Variants in SYT9 observed in about 807,000 individuals in gnomAD.
SYT9 encodes the protein synaptotagmin 9.
A neutral mutation model predicts 48.4 loss-of-function variants in SYT9; 22 were observed. The observed-to-expected ratio is 0.45, with a 90% CI of 0.32 to 0.65. The LOEUF is 0.65. SYT9 is among the 30% of genes least tolerant of loss of function. SYT9 has a pLI of 0.03. For synonymous variants in SYT9, 265 were observed against 245.0 expected, an observed-to-expected ratio of 1.08 and a Z score of -0.76; for missense variants, 577 against 622.0, an observed-to-expected ratio of 0.93 and a Z score of 0.77.
intron 1 of SYT9, among the ~76,000 whole-genome samples, chr11:7,259,627 T>A (rs925101089): frequency 6.6e-6 from 1 of 152,180 alleles, no homozygotes; most frequent in South Asian, 2.1e-4. Context: ...TTTTTTTTGT[T>A]GGTAAGACTG....
chr11:7,269,810 TTTAAG>T (rs1257003163), intron 1 of SYT9, among the ~76,000 whole-genome samples: 1 of 152,172 alleles, frequency 6.6e-6, no homozygotes, highest in Non-Finnish European at 1.5e-5. Flanking sequence ...TCAAATGCAA[TTTAAG>T]TTGTTATTTT....
intron 1 of SYT9, among the ~76,000 whole-genome samples, chr11:7,241,234 A>G (rs915009793): frequency 5.3e-4 from 77 of 146,160 alleles, no homozygotes; most frequent in African/African-American, 1.8e-3. Flanking sequence ...ACACACACAC[A>G]CACGCACACA....
At chr11:7,344,495 T>C (rs537111506) in intron 3 of SYT9, among the ~76,000 whole-genome samples, 1 of 152,324 alleles carries the variant, frequency 6.6e-6, no homozygotes. Flanking sequence ...TACAGTATTT[T>C]TTTTTACTGT....
chr11:7,461,742 A>G (rs1388518170), intron 6 of SYT9, among the ~76,000 whole-genome samples: 1 of 152,236 alleles, frequency 6.6e-6, no homozygotes, highest in Admixed American at 6.5e-5. Context: ...TGATGAATAC[A>G]TGTAATGAAT....
At chr11:7,433,062 G>C (rs769972736) in intron 6 of SYT9, among the ~76,000 whole-genome samples, 3 of 152,110 alleles carry the variant, frequency 2.0e-5, no homozygotes, top group Non-Finnish European at 4.4e-5. Context: ...CTCATGGCTT[G>C]GTGCTACCCT....
intron 3 of SYT9, among the ~76,000 whole-genome samples, chr11:7,387,793 C>T (rs1483007347): frequency 2.0e-5 from 3 of 152,102 alleles, no homozygotes; most frequent in Non-Finnish European, 4.4e-5. Flanking sequence ...TAAGTTATCT[C>T]TTTATTCTCT....
At chr11:7,269,439 T>C (rs1848255440) in intron 1 of SYT9, among the ~76,000 whole-genome samples, 1 of 152,194 alleles carries the variant, frequency 6.6e-6, no homozygotes, top group Non-Finnish European at 1.5e-5. Flanking sequence ...GAGGTAAATT[T>C]TTAAAATTCT....
Position 7,253,536 on chromosome 11 carries a change from G to T in SYT9, c.145+1205G>T, listed in dbSNP as rs527404204. Among the ~76,000 whole-genome samples the T allele has an allele frequency of 4.6e-5, 7 of 152,020 alleles. No individual in the cohort carries two copies. The South Asian group carries it at 1.5e-3, about 32-fold the overall frequency. On this transcript the variant is annotated intron_variant, in intron 1 of 6. Coordinates refer to ENST00000318881, the MANE Select transcript of SYT9 (RefSeq NM_175733.4). ...ATGGTCGTGTGGGGTGAAGTCATCT[G>T]CTAAAATTTTAAAGTTTATATCAGA...
At chr11:7,385,116 A>G (rs1040417734) in intron 3 of SYT9, among the ~76,000 whole-genome samples, 2 of 151,920 alleles carry the variant, frequency 1.3e-5, no homozygotes, top group African/African-American at 2.4e-5. Flanking sequence ...ATACTTCTGT[A>G]TATGTGTGTA....
intron 3 of SYT9, among the ~76,000 whole-genome samples, chr11:7,370,955 T>G (rs977614338): frequency 1.3e-5 from 2 of 152,192 alleles, no homozygotes; most frequent in Non-Finnish European, 2.9e-5. Flanking sequence ...CTAAGTATGT[T>G]TCCAGTTTCT....
chr11:7,301,813 A>G (rs575543737), intron 1 of SYT9, among the ~76,000 whole-genome samples: 1 of 152,200 alleles, frequency 6.6e-6, no homozygotes, highest in Non-Finnish European at 1.5e-5. Context: ...TGTCCTTTAA[A>G]ATAAGGATTT....
rs114493858 is a variant in SYT9, at chr11:7,446,985, T to C, written c.1468-19807T>C. On this transcript the variant is annotated intron_variant, in intron 6 of 6. Transcript: ENST00000318881. ...CTGTCCACCTCAGGGCCCAGAGGCATACATCCTGGTGCCCTTTTGCTTCAC... is the reference window on the plus strand; with the variant it reads ...CTGTCCACCTCAGGGCCCAGAGGCACACATCCTGGTGCCCTTTTGCTTCAC... 8.4e-3 allele frequency among the ~76,000 whole-genome samples: 1,274 copies of C among 152,360 alleles called. 16 individuals carry two copies. The highest frequency in any genetic ancestry group is 0.03 in the African/African-American group (1,227 of 41,578).
intron 3 of SYT9, among the ~76,000 whole-genome samples, chr11:7,361,663 C>A (rs1473361690): frequency 2.0e-5 from 3 of 152,134 alleles, no homozygotes; most frequent in Non-Finnish European, 4.4e-5. Context: ...GTTGATTGCT[C>A]TTTCTGGCAA....
At chr11:7,353,409 C>T (rs1849956685) in intron 3 of SYT9, among the ~76,000 whole-genome samples, 1 of 152,210 alleles carries the variant, frequency 6.6e-6, no homozygotes, top group Non-Finnish European at 1.5e-5. Flanking sequence ...ACCCAGTGGG[C>T]AGCAGCTTCC....
chr11:7,405,092 TAAAA>T (rs10706521), intron 3 of SYT9, among the ~76,000 whole-genome samples: 4 of 130,298 alleles, frequency 3.1e-5, no homozygotes, highest in Non-Finnish European at 1.7e-5. Context: ...CTGTCAAGGT[TAAAA>T]AAAAAAAAAA....
upstream of SYT9, among the ~76,000 whole-genome samples, chr11:7,248,504 T>C (rs561328939): frequency 6.6e-6 from 1 of 152,322 alleles, no homozygotes; most frequent in Non-Finnish European, 1.5e-5. Context: ...TTGATTTTTG[T>C]ATAAGGTGAG....
At chr11:7,357,855 T>C (rs1316629365) in intron 3 of SYT9, among the ~76,000 whole-genome samples, 1 of 151,786 alleles carries the variant, frequency 6.6e-6, no homozygotes, top group African/African-American at 2.4e-5. Flanking sequence ...TATATATTAA[T>C]TCGACTAGAA....
At chr11:7,460,986 G>T (rs561212709) in intron 6 of SYT9, among the ~76,000 whole-genome samples, 354 of 152,172 alleles carry the variant, frequency 2.3e-3, no homozygotes, top group Non-Finnish European at 4.0e-3. Flanking sequence ...ATGGGGCATT[G>T]GTTGCCTCAC....
rs188236741 is a variant in SYT9, at chr11:7,344,584, T to C, written c.1044+30643T>C. 5.8e-4 allele frequency among the ~76,000 whole-genome samples: 88 copies of C among 152,364 alleles called. No individual in the cohort carries two copies. In the East Asian group the frequency reaches 7.5e-3, roughly 13 times the overall value. ...TTTGAGTTAATTTTTATGTATAGTA[T>C]GATATGGTTTGAAGTTCTTTCTTGT... On this transcript the variant is annotated intron_variant, in intron 3 of 6. Transcript: ENST00000318881.
Sources: allele counts gnomAD v4.1 joint callset (sites outside exome capture counted in the v4.1 genomes callset), GRCh38; gene constraint gnomAD v4.1.1; transcripts MANE v1.5; gene names NCBI Gene and HGNC (gene_info 2026-07-23, HGNC 2026-07-21).